CUL2: variants seen among roughly 807,000 people sequenced by gnomAD.
The protein encoded by CUL2 is cullin-2.
CUL2 carries 22 observed loss-of-function variants against 110.2 expected under a neutral mutation model. That is an observed-to-expected ratio of 0.20 (90% CI 0.14 to 0.28). The LOEUF (loss-of-function observed/expected upper bound fraction) is 0.28. CUL2 is among the 10% of genes least tolerant of loss of function. CUL2 has a pLI of 1.00. For missense variants in CUL2, 631 were observed against 905.5 expected (o/e 0.70, Z 3.89); for synonymous variants, 279 against 293.2 (o/e 0.95, Z 0.49).
intron 17 of CUL2, among the ~76,000 whole-genome samples, chr10:35,019,877 G>C (rs952181393): frequency 4.6e-5 from 7 of 152,184 alleles, no homozygotes; most frequent in Non-Finnish European, 8.8e-5. Context: ...TCCTGGAACA[G>C]GGTATTCATG....
chr10:35,043,617 A>T (rs1422287758), intron 8 of CUL2, among the ~76,000 whole-genome samples: 1 of 152,238 alleles, frequency 6.6e-6, no homozygotes, highest in East Asian at 1.9e-4. Flanking sequence ...AAAATGCTTG[A>T]AATCCAACAC....
rs1416491124 is a variant in CUL2, at chr10:35,016,352, A to G, written c.1727T>C (p.Met576Thr). ...MNYLGKPYVA[M>T]VTTYQMAVLL... ...AACTGCCATTTGGTATGTTGTAACC[A>G]TGGCTACATATGGTTTGCCCAAATA... Residue 576 changes from methionine to threonine, a missense_variant, in exon 18 of 21, where the codon ATG (methionine) becomes ACG (threonine). Around this residue, in one of 3 missense-constraint regions of CUL2, gnomAD observed 134 missense variants for 260.4 expected, o/e 0.51. Transcript: ENST00000374749. 6.2e-7 allele frequency: 1 copy of G among 1,613,026 alleles called. No homozygotes were observed. The highest frequency in any genetic ancestry group is 8.5e-7 in the Non-Finnish European group (1 of 1,179,436).
intron 1 of CUL2, among the ~76,000 whole-genome samples, chr10:35,072,953 G>A (rs2086720178): frequency 6.6e-6 from 1 of 152,132 alleles, no homozygotes; most frequent in South Asian, 2.1e-4. Context: ...GGCAGAGAAT[G>A]GGGAGGAGGG....
chr10:35,033,216 T>G lies in CUL2; in HGVS notation c.1060A>C (p.Ile354Leu). ...LEVHGKFVQLINTVLNGDQHF... is the reference protein window; with the variant it reads ...LEVHGKFVQLLNTVLNGDQHF... ...TGATCACCATTCAAAACAGTGTTGA[T>G]AAGCTGAACAAATTTACCATGCACT... Residue 354 changes from isoleucine (I) to leucine (L), a missense_variant, in exon 11 of 21, where the codon ATC becomes CTC. Ile to Leu is a conservative substitution (Grantham distance 5). This residue lies in a region of CUL2 where 338 missense variants were observed against 442.5 expected (regional missense o/e 0.76). Transcript: ENST00000374749. The G allele has an allele frequency of 6.2e-7, 1 of 1,613,820 alleles. No individual in the cohort carries two copies. The highest frequency in any genetic ancestry group is 8.5e-7 in the Non-Finnish European group (1 of 1,179,910).
chr10:35,060,210 G>A (rs2086346730), intron 4 of CUL2, among the ~76,000 whole-genome samples: 2 of 152,154 alleles, frequency 1.3e-5, no homozygotes, highest in Non-Finnish European at 2.9e-5. Flanking sequence ...TGAGGCTGCA[G>A]TGAGCTGAGA....
chr10:35,114,099 T>A (rs1179844277), intron 1 of CUL2, among the ~76,000 whole-genome samples: 2 of 148,514 alleles, frequency 1.3e-5, no homozygotes, highest in African/African-American at 4.9e-5. Context: ...TTTTTTGGTA[T>A]CTTTAGTTGA....
chr10:35,030,189 C>T (rs1395750576), intron 14 of CUL2, among the ~76,000 whole-genome samples: 6 of 152,118 alleles, frequency 3.9e-5, no homozygotes, highest in Non-Finnish European at 8.8e-5. Context: ...TGAAAGATTA[C>T]ATAAATGATT....
intron 6 of CUL2, among the ~76,000 whole-genome samples, chr10:35,048,298 A>C (rs2086004257): frequency 6.6e-6 from 1 of 152,212 alleles, no homozygotes; most frequent in Non-Finnish European, 1.5e-5. Context: ...GATTATAACA[A>C]CAAAAATAAG....
chr10:35,024,989 T>G, intron 17 of CUL2, 143 bp downstream of exon 17: 1 of 1,196,078 alleles, frequency 8.4e-7, no homozygotes, highest in Non-Finnish European at 1.1e-6. Flanking sequence ...TACTTGGATT[T>G]CATTGTTAGT....
chr10:35,058,090 G>A (rs539019685), intron 4 of CUL2, among the ~76,000 whole-genome samples: 4 of 152,020 alleles, frequency 2.6e-5, no homozygotes, highest in South Asian at 2.1e-4. Flanking sequence ...AGCGAGACTC[G>A]GTCCCAAAAA....
intron 1 of CUL2, among the ~76,000 whole-genome samples, chr10:35,072,572 G>A (rs2086709011): frequency 6.6e-6 from 1 of 152,098 alleles, no homozygotes; most frequent in Admixed American, 6.5e-5. Flanking sequence ...GTTTCACCAT[G>A]TTAGCCAGGA....
chr10:35,021,914 A>AAG (rs2085210476), intron 17 of CUL2, among the ~76,000 whole-genome samples: 1 of 104,022 alleles, frequency 9.6e-6, no homozygotes, highest in African/African-American at 4.0e-5. Context: ...GGTGGGGCGA[A>AAG]GTGGGGCGAG....
At chr10:35,069,058 G>A (rs193197748) in intron 2 of CUL2, among the ~76,000 whole-genome samples, 14 of 152,098 alleles carry the variant, frequency 9.2e-5, no homozygotes, top group South Asian at 4.2e-4. Flanking sequence ...TAGTAGAGAC[G>A]AGGTTTCGCC....
intron 1 of CUL2, among the ~76,000 whole-genome samples, chr10:35,125,045 A>T (rs915101208): frequency 1.3e-5 from 2 of 152,218 alleles, no homozygotes; most frequent in African/African-American, 4.8e-5. Flanking sequence ...GATATTTTTT[A>T]AAATCTACAA....
At chr10:35,098,632 C>T (rs1346936102) in intron 2 of CUL2, among the ~76,000 whole-genome samples, 2 of 152,044 alleles carry the variant, frequency 1.3e-5, no homozygotes, top group Non-Finnish European at 2.9e-5. Context: ...GAACTTGTAA[C>T]TTAATAAAAA....
chr10:35,087,779 T>C (rs2087099634), intron 1 of CUL2, among the ~76,000 whole-genome samples: 2 of 152,226 alleles, frequency 1.3e-5, no homozygotes, highest in Admixed American at 6.5e-5. Context: ...GCCACTGCTC[T>C]TCTCACTGGT....
At chr10:35,097,615 C>T (rs1158004629) in intron 2 of CUL2, among the ~76,000 whole-genome samples, 1 of 151,992 alleles carries the variant, frequency 6.6e-6, no homozygotes, top group Non-Finnish European at 1.5e-5. Context: ...CACTTTACCT[C>T]TGTGATCATC....
chr10:35,043,978 G>A (rs1196649703), intron 8 of CUL2, among the ~76,000 whole-genome samples: 1 of 149,554 alleles, frequency 6.7e-6, no homozygotes, highest in Non-Finnish European at 1.5e-5. Context: ...TGAGACAGGA[G>A]GACCACTTGA....
chr10:35,033,939 T>C (rs1046299738), intron 10 of CUL2, among the ~76,000 whole-genome samples: 7 of 152,062 alleles, frequency 4.6e-5, no homozygotes, highest in African/African-American at 1.7e-4. Context: ...GAGGCTTAAA[T>C]AAGCAAAGAC....
Sources: allele counts gnomAD v4.1 joint callset (sites outside exome capture counted in the v4.1 genomes callset), GRCh38; gene constraint gnomAD v4.1.1; regional missense constraint gnomAD v4.1.1; transcripts MANE v1.5; gene names NCBI Gene and HGNC (gene_info 2026-07-23, HGNC 2026-07-21).